MAGI3: variants seen among roughly 807,000 people sequenced by gnomAD.
MAGI3 encodes the protein membrane-associated guanylate kinase, WW and PDZ domain-containing protein 3.
In MAGI3, 43 loss-of-function variants were observed where a neutral mutation model predicts 121.8. That is an observed-to-expected ratio of 0.35 (90% CI 0.28 to 0.46). The LOEUF (loss-of-function observed/expected upper bound fraction) is 0.46. MAGI3 is among the 20% of genes least tolerant of loss of function. The pLI is 1.00. For synonymous variants in MAGI3, 553 were observed against 639.3 expected (o/e 0.86, Z 2.04); for missense variants, 1,547 against 1,797.3 (o/e 0.86, Z 2.52).
intron 1 of MAGI3, among the ~76,000 whole-genome samples, chr1:113,474,478 A>T (rs180777389): frequency 8.1e-4 from 123 of 152,340 alleles, no homozygotes; most frequent in East Asian, 3.1e-3. Flanking sequence ...AGCTTTCTGT[A>T]TATGGCTAGC....
chr1:113,420,348 T>C (rs1436710497), intron 1 of MAGI3, among the ~76,000 whole-genome samples: 4 of 152,218 alleles, frequency 2.6e-5, no homozygotes, highest in Non-Finnish European at 4.4e-5. Flanking sequence ...TTTTACTCCA[T>C]TAGTTGCTGT....
chr1:113,549,756 G>A, intron 2 of MAGI3, 125 bp downstream of exon 2: 1 of 518,056 alleles, frequency 1.9e-6, no homozygotes, highest in Non-Finnish European at 3.4e-6. Context: ...GAACAAGAAT[G>A]AAACAAAAAT....
rs184166434 is a variant in MAGI3, at chr1:113,459,843, A to G, written c.316+68494A>G. On this transcript the variant is annotated intron_variant, in intron 1 of 20. Transcript: ENST00000307546. Reference sequence around the variant, plus strand: ...CACAGCCAGATTCTACCAGATGTACAAACAAGAGCTGGCACCATTCCTACA... The same window carrying G: ...CACAGCCAGATTCTACCAGATGTACGAACAAGAGCTGGCACCATTCCTACA... Among the ~76,000 whole-genome samples the G allele has an allele frequency of 1.0e-3, 154 of 152,338 alleles. 3 individuals carry two copies. Among genetic ancestry groups the G allele is most frequent in the Admixed American group, 9.2e-3 (141 of 15,298 alleles).
chr1:113,414,843 C>A (rs1295760618), intron 1 of MAGI3, among the ~76,000 whole-genome samples: 1 of 151,874 alleles, frequency 6.6e-6, no homozygotes. Flanking sequence ...TTATTTCAAT[C>A]CAAGCTAACA....
intron 1 of MAGI3, among the ~76,000 whole-genome samples, chr1:113,416,108 A>G (rs1446559292): frequency 6.8e-6 from 1 of 146,406 alleles, no homozygotes; most frequent in African/African-American, 2.5e-5. Flanking sequence ...TTAATGACAC[A>G]TATTAATTAT....
At chr1:113,474,783 AT>A (rs1236684042) in intron 1 of MAGI3, among the ~76,000 whole-genome samples, 2 of 152,204 alleles carry the variant, frequency 1.3e-5, no homozygotes, top group East Asian at 3.8e-4. Context: ...GAAGAAAGTC[AT>A]TGGTAGCTTG....
intron 3 of MAGI3, among the ~76,000 whole-genome samples, chr1:113,583,782 T>C (rs1364808047): frequency 6.6e-6 from 1 of 152,188 alleles, no homozygotes; most frequent in African/African-American, 2.4e-5. Context: ...TTCATACAAA[T>C]CTTTGCATCC....
At chr1:113,455,524 T>C (rs1199565357) in intron 1 of MAGI3, among the ~76,000 whole-genome samples, 1 of 152,088 alleles carries the variant, frequency 6.6e-6, no homozygotes, top group Admixed American at 6.5e-5. Flanking sequence ...TTCTTTTCCC[T>C]TGGGCTCCTG....
intron 2 of MAGI3, among the ~76,000 whole-genome samples, chr1:113,550,793 A>G (rs1659753022): frequency 1.3e-5 from 2 of 150,814 alleles, no homozygotes; most frequent in African/African-American, 2.4e-5. Flanking sequence ...AAAAATATAT[A>G]TATATTTTTA....
intron 1 of MAGI3, among the ~76,000 whole-genome samples, chr1:113,478,369 A>G (rs1044019924): frequency 5.3e-5 from 8 of 152,144 alleles, no homozygotes; most frequent in Non-Finnish European, 1.0e-4. Context: ...TTGTGGTTTT[A>G]TCTACCTTTG....
intron 6 of MAGI3, among the ~76,000 whole-genome samples, chr1:113,603,177 A>G (rs1393902005): frequency 6.6e-6 from 1 of 152,194 alleles, no homozygotes; most frequent in African/African-American, 2.4e-5. Flanking sequence ...GAAATACAAA[A>G]GATAATTTGA....
At chr1:113,608,931 A>G (rs996203220) in intron 6 of MAGI3, among the ~76,000 whole-genome samples, 1 of 152,198 alleles carries the variant, frequency 6.6e-6, no homozygotes, top group African/African-American at 2.4e-5. Flanking sequence ...AGTACATTTT[A>G]TGATCATCCT....
chr1:113,607,926 A>G (rs1196616894), intron 6 of MAGI3, among the ~76,000 whole-genome samples: 3 of 152,174 alleles, frequency 2.0e-5, no homozygotes, highest in Non-Finnish European at 4.4e-5. Flanking sequence ...CGTCTTTGCC[A>G]TATACCCATT....
chr1:113,616,195 G>A (rs1012698240), intron 7 of MAGI3, among the ~76,000 whole-genome samples: 1 of 152,198 alleles, frequency 6.6e-6, no homozygotes, highest in African/African-American at 2.4e-5. Context: ...CTAGTTGTCA[G>A]GGAGGTACAT....
intron 1 of MAGI3, among the ~76,000 whole-genome samples, chr1:113,472,205 T>TTG (rs796408898): frequency 1.5e-4 from 19 of 128,854 alleles, no homozygotes; most frequent in African/African-American, 6.4e-4. Flanking sequence ...ATAGATCTTG[T>TTG]TTTTTTTTTT....
rs1650843939 is a variant in MAGI3, at chr1:113,391,916, T to G, written c.316+567T>G. 6.6e-6 allele frequency among the ~76,000 whole-genome samples: 1 copy of G among 152,214 alleles called. No homozygotes were observed. Among genetic ancestry groups the G allele is most frequent in the Admixed American group, 6.5e-5 (1 of 15,288 alleles). ...TGTCTGAGTACCGATGACGGTACAA[T>G]ATGTGATATGTGGCAGACTGGTGTG... On this transcript the variant is annotated intron_variant, in intron 1 of 20. Transcript: ENST00000307546. The surrounding 1 kb of genome is among the most constrained non-coding windows in gnomAD (Gnocchi z 4.4).
chr1:113,478,174 A>G (rs1655937349), intron 1 of MAGI3, among the ~76,000 whole-genome samples: 4 of 152,170 alleles, frequency 2.6e-5, no homozygotes, highest in African/African-American at 7.2e-5. Flanking sequence ...GGGTTCGAAC[A>G]ACCTCCTTTA....
intron 9 of MAGI3, among the ~76,000 whole-genome samples, chr1:113,633,699 T>A (rs1047545129): frequency 6.6e-6 from 1 of 152,216 alleles, no homozygotes; most frequent in African/African-American, 2.4e-5. Context: ...TAAACATACT[T>A]GTGCATGTGT....
intron 1 of MAGI3, among the ~76,000 whole-genome samples, chr1:113,416,959 A>G (rs1207248212): frequency 6.6e-6 from 1 of 152,068 alleles, no homozygotes; most frequent in Non-Finnish European, 1.5e-5. Flanking sequence ...TTCTAATATA[A>G]TATTAAGTAA....
Sources: allele counts gnomAD v4.1 joint callset (sites outside exome capture counted in the v4.1 genomes callset), GRCh38; gene constraint gnomAD v4.1.1; non-coding constraint Gnocchi (gnomAD v3.1); transcripts MANE v1.5; gene names NCBI Gene and HGNC (gene_info 2026-07-23, HGNC 2026-07-21).